The following PRKN variants were observed in gnomAD, a reference collection of about 807,000 sequenced individuals.
PRKN encodes parkin RBR E3 ubiquitin protein ligase.
Under a neutral mutation model 59.5 loss-of-function variants are expected in PRKN, and 56 were observed. The observed-to-expected ratio is 0.94, with a 90% CI of 0.76 to 1.18. The LOEUF is 1.18. Ranked by LOEUF, PRKN falls within the 50% of genes most tolerant of loss-of-function variation. PRKN has a pLI of 0.00. For synonymous variants in PRKN, 250 were observed against 222.1 expected, an observed-to-expected ratio of 1.13 and a Z score of -1.12; for missense variants, 657 against 596.4, an observed-to-expected ratio of 1.10 and a Z score of -1.06.
chr6:161,382,139 A>AAAAAAAAAT (rs1786020646), intron 10 of PRKN, among the ~76,000 whole-genome samples: 1 of 148,958 alleles, frequency 6.7e-6, no homozygotes, highest in Non-Finnish European at 1.5e-5. Flanking sequence ...AAAAATCAAA[A>AAAAAAAAAT]CAAAAACAAA....
intron 6 of PRKN, among the ~76,000 whole-genome samples, chr6:161,894,916 C>T (rs1361914317): frequency 6.6e-6 from 1 of 152,106 alleles, no homozygotes; most frequent in Non-Finnish European, 1.5e-5. Context: ...GTGCTTATTC[C>T]ACCAATGCTT....
At chr6:162,250,144 G>A (rs1011611871) in intron 3 of PRKN, among the ~76,000 whole-genome samples, 4 of 148,796 alleles carry the variant, frequency 2.7e-5, no homozygotes, top group Non-Finnish European at 5.9e-5. Context: ...GCAAGACTCC[G>A]TCTCAAAAAC....
rs1787238834 is a variant in PRKN at position 161,405,721 on chromosome 6, A to C, written c.1084-18844T>G. 6.6e-6 allele frequency among the ~76,000 whole-genome samples: 1 copy of C among 152,154 alleles called. No homozygotes were observed. The highest frequency in any genetic ancestry group is 2.1e-4 in the South Asian group (1 of 4,828). On this transcript the variant is annotated intron_variant, in intron 9 of 11. Transcript: ENST00000366898. The surrounding 1 kb of genome is among the most constrained non-coding windows in gnomAD (Gnocchi z 5.1). ...AGGGAAGGGAAACTGAGGGTCCATG[A>C]GTGCTCACAGCCAGGCAGGCTCGTG...
intron 4 of PRKN, among the ~76,000 whole-genome samples, chr6:162,077,050 C>T (rs1372397774): frequency 6.6e-6 from 1 of 152,052 alleles, no homozygotes; most frequent in East Asian, 1.9e-4. Flanking sequence ...AGAGAGTGGG[C>T]AGGCTGTTGG....
intron 4 of PRKN, among the ~76,000 whole-genome samples, chr6:162,055,722 C>T (rs1011231788): frequency 2.0e-5 from 3 of 152,128 alleles, no homozygotes; most frequent in African/African-American, 7.2e-5. Context: ...GATTTTACTA[C>T]CGACGACGTT....
chr6:162,671,459 A>T (rs1779315127), intron 1 of PRKN, among the ~76,000 whole-genome samples: 1 of 149,468 alleles, frequency 6.7e-6, no homozygotes, highest in Non-Finnish European at 1.5e-5. Flanking sequence ...AGATTGCGCC[A>T]CTGCACTCCA....
At chr6:162,237,896 G>C (rs1778809874) in intron 3 of PRKN, among the ~76,000 whole-genome samples, 1 of 152,096 alleles carries the variant, frequency 6.6e-6, no homozygotes, top group Non-Finnish European at 1.5e-5. Context: ...CCAGGGACCA[G>C]AGGATCTCCT....
rs1409058854 is a variant in PRKN at position 161,488,080 on chromosome 6, A to C, written c.1083+60774T>G. Among the ~76,000 whole-genome samples the C allele has an allele frequency of 6.6e-6, 1 of 152,244 alleles. No individual in the cohort carries two copies. The highest frequency in any genetic ancestry group is 1.5e-5 in the Non-Finnish European group (1 of 68,036). ...GTGATGAAGAAAGCAGGGCTGGCTT[A>C]CAGGGTGAGATCGTGCAGTGGTTGG... On this transcript the variant is annotated intron_variant, in intron 9 of 11. Coordinates refer to ENST00000366898, the MANE Select transcript of PRKN (RefSeq NM_004562.3). This position sits in a 1 kb window ranked among gnomAD's most constrained non-coding sequence, Gnocchi z 4.5.
At chr6:162,051,750 C>T (rs570557146) in intron 5 of PRKN, among the ~76,000 whole-genome samples, 3 of 152,258 alleles carry the variant, frequency 2.0e-5, no homozygotes, top group Admixed American at 1.3e-4. Context: ...GCCGCCCCCA[C>T]ATGATCAAAG....
intron 2 of PRKN, among the ~76,000 whole-genome samples, chr6:162,430,319 T>C (rs1016577697): frequency 6.6e-6 from 1 of 152,126 alleles, no homozygotes; most frequent in African/African-American, 2.4e-5. Context: ...ACAATTTTTC[T>C]CATTTTAGGA....
At chr6:162,175,806 T>C (rs1319457359) in intron 4 of PRKN, among the ~76,000 whole-genome samples, 1 of 152,198 alleles carries the variant, frequency 6.6e-6, no homozygotes, top group Non-Finnish European at 1.5e-5. Flanking sequence ...CCTCTGATGA[T>C]GCAATGCAAA....
intron 1 of PRKN, among the ~76,000 whole-genome samples, chr6:162,470,338 C>G (rs58229574): frequency 0.08 from 12,180 of 152,088 alleles, 1,423 homozygotes; most frequent in African/African-American, 0.26. Flanking sequence ...CAGCAGCTAA[C>G]TTAGGCAAAG....
At chr6:162,282,514 A>C (rs898446625) in intron 2 of PRKN, among the ~76,000 whole-genome samples, 1 of 152,232 alleles carries the variant, frequency 6.6e-6, no homozygotes, top group African/African-American at 2.4e-5. Flanking sequence ...TCTTAGATGT[A>C]CATGCAGAAA....
intron 1 of PRKN, among the ~76,000 whole-genome samples, chr6:162,687,405 C>T (rs865897484): frequency 3.3e-5 from 5 of 152,008 alleles, no homozygotes; most frequent in Admixed American, 6.6e-5. Context: ...AGGATGGTCT[C>T]GATCTCCTGA....
chr6:161,565,349 T>C (rs1780601266), intron 8 of PRKN, among the ~76,000 whole-genome samples: 1 of 152,098 alleles, frequency 6.6e-6, no homozygotes, highest in Admixed American at 6.5e-5. Context: ...CCCTCCTAAA[T>C]GACAATTTCA....
At chr6:162,574,768 T>TTTTTG (rs1554247346) in intron 1 of PRKN, among the ~76,000 whole-genome samples, 1 of 22,304 alleles carries the variant, frequency 4.5e-5, no homozygotes, top group Non-Finnish European at 9.7e-5. Flanking sequence ...TACTAAGTTG[T>TTTTTG]TTTTTTTTTT....
chr6:162,250,132 G>A (rs1487683753), intron 3 of PRKN, among the ~76,000 whole-genome samples: 2 of 150,430 alleles, frequency 1.3e-5, no homozygotes, highest in East Asian at 3.9e-4. Context: ...GGTTACAACA[G>A]AGCAAGACTC....
rs1177108138 is a variant in PRKN, at chr6:161,576,717, GAA to G, written c.872-7303_872-7302del. ...TTTGGATGGTCATTAGCACTGTGTG[GAA>G]AAGAGAAAATACAACAGTATAAAGG... On this transcript the variant is annotated intron_variant, in intron 7 of 11. Transcript: ENST00000366898. The surrounding 1 kb of genome is among the most constrained non-coding windows in gnomAD (Gnocchi z 4.6). 6.6e-6 allele frequency among the ~76,000 whole-genome samples: 1 copy of G among 152,188 alleles called. No individual in the cohort carries two copies. Among genetic ancestry groups the G allele is most frequent in the Non-Finnish European group, 1.5e-5 (1 of 68,028 alleles).
intron 6 of PRKN, among the ~76,000 whole-genome samples, chr6:161,819,833 A>G (rs117986309): frequency 0.012 from 1,800 of 152,302 alleles, 19 homozygotes; most frequent in Non-Finnish European, 0.018. Context: ...ATAGCAGCAG[A>G]TATTTAACAT....
Sources: allele counts gnomAD v4.1 joint callset (sites outside exome capture counted in the v4.1 genomes callset), GRCh38; gene constraint gnomAD v4.1.1; non-coding constraint Gnocchi (gnomAD v3.1); transcripts MANE v1.5; gene names NCBI Gene and HGNC (gene_info 2026-07-23, HGNC 2026-07-21).